The following PRKAB1 variants were observed in gnomAD, a reference collection of about 807,000 sequenced individuals.
PRKAB1 encodes the protein protein kinase AMP-activated non-catalytic subunit beta 1, also known as 5'-AMP-activated protein kinase subunit beta-1.
In PRKAB1, 18 loss-of-function variants were observed where a neutral mutation model predicts 32.0. The observed-to-expected ratio is 0.56, with a 90% CI of 0.39 to 0.83. The LOEUF (loss-of-function observed/expected upper bound fraction) is 0.83, where lower values mean the gene tolerates loss of function less well. Among genes scored for constraint, PRKAB1 ranks in the 40% least tolerant of loss-of-function variants. The probability of loss-of-function intolerance (pLI) is 0.00; values close to 1 mark genes in which losing one functional copy is unlikely to be tolerated. For missense variants in PRKAB1, 263 were observed against 352.6 expected, an observed-to-expected ratio of 0.75 and a Z score of 2.03; for synonymous variants, 141 against 141.4, an observed-to-expected ratio of 1.00 and a Z score of 0.02.
At chr12:119,669,210 CT>C (rs1427052738) in intron 1 of PRKAB1, among the ~76,000 whole-genome samples, 1 of 151,892 alleles carries the variant, frequency 6.6e-6, no homozygotes, top group Non-Finnish European at 1.5e-5. Context: ...ATCTTTATGC[CT>C]TGGCCTCCCA....
chr12:119,677,641 TTCAA>T (rs1955434868), intron 5 of PRKAB1: 1 of 152,290 alleles, frequency 6.6e-6, no homozygotes, highest in Non-Finnish European at 1.5e-5. Flanking sequence ...GGTGAAGAGT[TTCAA>T]GGACATGTAG....
chr12:119,675,010 ACTT>A (rs1348093969), intron 4 of PRKAB1, among the ~76,000 whole-genome samples: 1 of 152,214 alleles, frequency 6.6e-6, no homozygotes, highest in African/African-American at 2.4e-5. Context: ...ACCCAGTAAA[ACTT>A]CTCCATCTTG....
In PRKAB1 at chr12:119,674,454, G is replaced by T; in HGVS notation, c.532G>T (p.Glu178Ter). 1.9e-6 allele frequency: 3 copies of T among 1,599,952 alleles called. No individual in the cohort carries two copies. Among genetic ancestry groups the T allele is most frequent in the Non-Finnish European group, 2.6e-6 (3 of 1,167,088 alleles). The part of the protein sequence containing the change: ...VDSQKCSDVS[E>*]LSSSPPGPYH... ...TTCCCAAAAGTGCTCCGATGTGTCT[G>T]GTATGAACACAGTTATTTTATACCA... Residue 178 changes from glutamate (E) to a stop codon, truncating the protein, a stop_gained and splice_region_variant, in exon 4 of 7, where the codon GAG becomes TAG. Coordinates refer to ENST00000229328, the MANE Select transcript of PRKAB1 (RefSeq NM_006253.5). LOFTEE classifies it high-confidence loss of function. This position sits in a 1 kb window ranked among gnomAD's most constrained non-coding sequence, Gnocchi z 4.3.
upstream of PRKAB1, chr12:119,668,100 C>T (rs1286775078): frequency 6.6e-6 from 7 of 1,068,146 alleles, no homozygotes; most frequent in East Asian, 1.6e-4. Context: ...GGAACCGGCT[C>T]CCGGCCCGAG....
Position 119,673,988 on chromosome 12 carries a change from G to A in PRKAB1, c.348G>A (p.Leu116=), listed in dbSNP as rs538915515. The change falls in exon 3 of 7, where the codon CTG becomes CTA. Residue 116 remains leucine, a synonymous_variant. Transcript: ENST00000229328. Reference sequence around the variant, plus strand: ...GCCACAATAACTTTGTAGCCATCCTGGATCTGCCGGAAGGAGAGCATCAGT... The same window carrying A: ...GCCACAATAACTTTGTAGCCATCCTAGATCTGCCGGAAGGAGAGCATCAGT... ...TRSHNNFVAI[L]DLPEGEHQYK... 6.2e-7 allele frequency: 1 copy of A among 1,613,876 alleles called. No individual in the cohort carries two copies. Among genetic ancestry groups the A allele is most frequent in the South Asian group, 1.1e-5 (1 of 91,060 alleles).
In PRKAB1 at chr12:119,680,283, CAAG is replaced by C. The variant is rs770259028; in HGVS notation, c.778_780del (p.Lys260del). On this transcript the variant is annotated inframe_deletion, in exon 7 of 7. Coordinates refer to ENST00000229328, the MANE Select transcript of PRKAB1 (RefSeq NM_006253.5). ...TGGTGCTCAGCGCAACCCACCGGTA[CAAG>C]AAGAAGTACGTCACCACCTTGTTAT... is the stretch of plus-strand genomic sequence containing the variant. 25 of 1,613,994 alleles carry C rather than the reference CAAG, an allele frequency of 1.5e-5. No homozygotes were observed. Among genetic ancestry groups the C allele is most frequent in the African/African-American group, 8.0e-5 (6 of 74,900 alleles).
Position 119,681,040 on chromosome 12 carries a change from G to GTTC in PRKAB1, c.*717_*719dup, listed in dbSNP as rs1565877946. ...CATGAACTCTGCTCAGCAATAATCTGTTCTCAGAACAGACTTTTCAACCTG... is the reference window on the plus strand; with the variant it reads ...CATGAACTCTGCTCAGCAATAATCTGTTCTTCTCAGAACAGACTTTTCAACCTG... On this transcript the variant is annotated 3_prime_UTR_variant, in exon 7 of 7. Transcript: ENST00000229328. 1 of 152,564 alleles carries GTTC rather than the reference G, an allele frequency of 6.6e-6. No individual in the cohort carries two copies. Among genetic ancestry groups the GTTC allele is most frequent in the Non-Finnish European group, 1.5e-5 (1 of 68,058 alleles). The allele number at this position is 152,564 out of a possible 1,614,324, so 9.5% of individuals were successfully genotyped here. A position where few individuals can be genotyped will look rare whatever the true frequency, so the allele number is the denominator to read the frequency against.
rs375442599 is a variant in PRKAB1 at position 119,668,272 on chromosome 12, G to A, written c.28G>A (p.Ala10Thr). The A allele has an allele frequency of 6.2e-7, 1 of 1,608,260 alleles. No homozygotes were observed. Among genetic ancestry groups the A allele is most frequent in the African/African-American group, 1.3e-5 (1 of 74,576 alleles). The stretch of plus-strand genomic sequence containing the variant: ...GGGCAATACCAGCAGTGAGCGCGCC[G>A]CGCTGGAGCGGCATGGTGGCCATAA... MGNTSSERAALERHGGHKTP... is the reference protein window; with the variant it reads MGNTSSERATLERHGGHKTP... The change falls in exon 1 of 7, where the codon GCG becomes ACG. Residue 10 changes from alanine to threonine, a missense_variant. Coordinates refer to ENST00000229328, the MANE Select transcript of PRKAB1 (RefSeq NM_006253.5).
At chr12:119,676,499 G>C (rs1447961381) in intron 4 of PRKAB1, 38 bp from the exon 5 acceptor site, 2 of 1,557,948 alleles carry the variant, frequency 1.3e-6, no homozygotes, top group East Asian at 2.3e-5. Flanking sequence ...TAGAATGCCT[G>C]ATTTTCAAAG....
chr12:119,674,550 G>T lies in PRKAB1; in HGVS notation c.532+96G>T. 1 of 875,174 alleles carries T rather than the reference G, an allele frequency of 1.1e-6. No homozygotes were observed. Among genetic ancestry groups the T allele is most frequent in the Non-Finnish European group, 1.8e-6 (1 of 570,558 alleles). The allele number at this position is 875,174 out of a possible 1,614,324, so 54.2% of individuals were successfully genotyped here. ...CTCTTGCCTCTCTTGAGCTGAAGCT[G>T]CCCAGTCAGATAGGCATTTATAGCC... is the stretch of plus-strand genomic sequence containing the variant. On this transcript the variant is annotated intron_variant, in intron 4 of 6. Coordinates refer to ENST00000229328, the MANE Select transcript of PRKAB1 (RefSeq NM_006253.5). The surrounding 1 kb of genome is among the most constrained non-coding windows in gnomAD (Gnocchi z 4.3).
In PRKAB1 at chr12:119,668,267, G is replaced by A. The variant is rs758106654; in HGVS notation, c.23G>A (p.Arg8His). The part of the protein sequence containing the change: MGNTSSE[R>H]AALERHGGHK... The stretch of plus-strand genomic sequence containing the variant: ...ATCATGGGCAATACCAGCAGTGAGC[G>A]CGCCGCGCTGGAGCGGCATGGTGGC... The change falls in exon 1 of 7, where the codon CGC becomes CAC. Residue 8 changes from arginine (R) to histidine (H), a missense_variant. By Grantham distance (29) the Arg-to-His change is conservative (BLOSUM62 0). Transcript: ENST00000229328. 1 of 1,606,728 alleles carries A rather than the reference G, an allele frequency of 6.2e-7. No homozygotes were observed. Among genetic ancestry groups the A allele is most frequent in the South Asian group, 1.1e-5 (1 of 90,132 alleles).
In PRKAB1 at chr12:119,679,828, C is replaced by G. The variant is rs562794233; in HGVS notation, c.667-105C>G. 1 of 1,254,022 alleles carries G rather than the reference C, an allele frequency of 8.0e-7. No individual in the cohort carries two copies. Among genetic ancestry groups the G allele is most frequent in the African/African-American group, 1.5e-5 (1 of 67,962 alleles). The allele number at this position is 1,254,022 out of a possible 1,614,324, so 77.7% of individuals were successfully genotyped here. ...TGCCTGATTTGGGAAGAGAGGTCGG[C>G]CTGAGCGCTGCCTCCTGTCCTTTGA... On this transcript the variant is annotated intron_variant, in intron 5 of 6. Coordinates refer to ENST00000229328, the MANE Select transcript of PRKAB1 (RefSeq NM_006253.5). This position sits in a 1 kb window ranked among gnomAD's most constrained non-coding sequence, Gnocchi z 4.1.
In PRKAB1 at chr12:119,671,498, G is replaced by C. The variant is rs530202738; in HGVS notation, c.160-803G>C. 3 of 400,698 alleles carry C rather than the reference G, an allele frequency of 7.5e-6. 1 individual carries two copies. Among genetic ancestry groups the C allele is most frequent in the South Asian group, 5.2e-5 (3 of 57,188 alleles). The allele number at this position is 400,698 out of a possible 1,614,324, so 24.8% of individuals were successfully genotyped here. A position where few individuals can be genotyped will look rare whatever the true frequency, so the allele number is the denominator to read the frequency against. ...GGTAAAAGGCACCTCTTCACAGGAC[G>C]GCAGAAGAGAATGAGAGCAAGCAGG... On this transcript the variant is annotated intron_variant, in intron 1 of 6. Transcript: ENST00000229328.
chr12:119,676,367 T>G (rs181379461), intron 4 of PRKAB1, among the ~76,000 whole-genome samples, 170 bp from the exon 5 acceptor site: 6 of 152,288 alleles, frequency 3.9e-5, no homozygotes, highest in Admixed American at 6.5e-5. Flanking sequence ...CCAAAAGGGT[T>G]TTCTCCTCTC....
chr12:119,671,881 C>A (rs967889166), intron 1 of PRKAB1, among the ~76,000 whole-genome samples: 5 of 152,118 alleles, frequency 3.3e-5, no homozygotes, highest in African/African-American at 1.2e-4. Context: ...ATGGGACTAC[C>A]ATATACACAG....
intron 1 of PRKAB1, among the ~76,000 whole-genome samples, chr12:119,670,382 T>C (rs1455624680): frequency 6.6e-6 from 1 of 152,206 alleles, no homozygotes; most frequent in Non-Finnish European, 1.5e-5. Flanking sequence ...TCACACCTTC[T>C]TTTGGATCTT....
In PRKAB1 at chr12:119,672,307, G is replaced by A. The variant is rs1139637; in HGVS notation, c.166G>A (p.Glu56Lys). Reference sequence around the variant, plus strand: ...TAAACTGCTCTGCTTCTAGGCACCAGAGAAGGAGGAATTCCTGGCCTGGCA... The same window carrying A: ...TAAACTGCTCTGCTTCTAGGCACCAAAGAAGGAGGAATTCCTGGCCTGGCA... ...LFHSEEIKAP[E>K]KEEFLAWQHD... Residue 56 changes from glutamate to lysine, a missense_variant, in exon 2 of 7, where the codon GAG becomes AAG. Coordinates refer to ENST00000229328, the MANE Select transcript of PRKAB1 (RefSeq NM_006253.5). 1.9e-6 allele frequency: 3 copies of A among 1,606,562 alleles called. No individual in the cohort carries two copies. Among genetic ancestry groups the A allele is most frequent in the Admixed American group, 1.7e-5 (1 of 58,942 alleles).
At chr12:119,673,904 C>A in intron 2 of PRKAB1, 60 bp from the exon 3 acceptor site, 2 of 1,420,184 alleles carry the variant, frequency 1.4e-6, no homozygotes, top group South Asian at 1.3e-5. Flanking sequence ...GCTGGTTTGG[C>A]AAGTAAGCTC....
At position 119,676,566 on chromosome 12, in the gene PRKAB1, C is replaced by T; in HGVS notation, c.562C>T (p.His188Tyr). ...ELSSSPPGPY[H>Y]QEPYVCKPEE... ...GTCCAGTTCTCCCCCAGGACCCTAC[C>T]ATCAGGAGCCCTACGTCTGCAAACC... is the stretch of plus-strand genomic sequence containing the variant. The change falls in exon 5 of 7, where the codon CAT (histidine) becomes TAT (tyrosine). Residue 188 changes from histidine to tyrosine, a missense_variant. Physicochemically the swap from His to Tyr is moderately conservative, Grantham distance 83. Coordinates refer to ENST00000229328, the MANE Select transcript of PRKAB1 (RefSeq NM_006253.5). 6.2e-7 allele frequency: 1 copy of T among 1,613,584 alleles called. No homozygotes were observed. The highest frequency in any genetic ancestry group is 8.5e-7 in the Non-Finnish European group (1 of 1,179,580).
Sources: allele counts gnomAD v4.1 joint callset (sites outside exome capture counted in the v4.1 genomes callset), GRCh38; gene constraint gnomAD v4.1.1; non-coding constraint Gnocchi (gnomAD v3.1); transcripts MANE v1.5; gene names NCBI Gene and HGNC (gene_info 2026-07-23, HGNC 2026-07-21).